The following ZNF572 variants were observed in gnomAD, a reference collection of about 807,000 sequenced individuals.
ZNF572 encodes the protein zinc finger protein 572.
In ZNF572, 2 loss-of-function variants were observed where a neutral mutation model predicts 3.8. That is an observed-to-expected ratio of 0.52 (90% CI 0.21 to 1.65). The LOEUF is 1.65. Among genes scored for constraint, ZNF572 ranks in the 40% most tolerant of loss-of-function variants. The pLI is 0.20. For synonymous variants in ZNF572, 187 were observed against 204.5 expected (o/e 0.91, Z 0.73); for missense variants, 581 against 633.4 (o/e 0.92, Z 0.89).
In ZNF572 at chr8:124,977,429, T is replaced by C. The variant is rs748023513; in HGVS notation, c.1161T>C (p.Cys387=). The C allele has an allele frequency of 6.2e-7, 1 of 1,614,152 alleles. No individual in the cohort carries two copies. Among genetic ancestry groups the C allele is most frequent in the Non-Finnish European group, 8.5e-7 (1 of 1,180,020 alleles). ...IQLGEKPYRC[C]ECGKSFGLSS... ...TAGGAGAGAAACCATATAGATGTTG[T>C]GAATGTGGGAAGAGTTTTGGCCTTA... Residue 387 remains cysteine (C), a synonymous_variant, in exon 3 of 3, where the codon TGT becomes TGC. Coordinates refer to ENST00000319286, the MANE Select transcript of ZNF572 (RefSeq NM_152412.3).
chr8:124,976,669 G>A lies in ZNF572; in HGVS notation c.401G>A (p.Cys134Tyr). The A allele has an allele frequency of 1.2e-6, 2 of 1,614,186 alleles. No homozygotes were observed. The highest frequency in any genetic ancestry group is 1.7e-6 in the Non-Finnish European group (2 of 1,180,018). ...NSSFVDRPYK[C>Y]SECWKSFSNS... The stretch of plus-strand genomic sequence containing the variant: ...TCCTTTGTAGACAGACCCTATAAAT[G>A]TTCCGAATGTTGGAAAAGCTTCAGT... The change falls in exon 3 of 3, where the codon TGT becomes TAT. Residue 134 changes from cysteine (C) to tyrosine (Y), a missense_variant. Cys to Tyr is a radical substitution (Grantham distance 194). Transcript: ENST00000319286.
chr8:124,977,344 C>T lies in ZNF572; in HGVS notation c.1076C>T (p.Ser359Phe). The change falls in exon 3 of 3, where the codon TCT (serine) becomes TTT (phenylalanine). Residue 359 changes from serine to phenylalanine, a missense_variant. Coordinates refer to ENST00000319286, the MANE Select transcript of ZNF572 (RefSeq NM_152412.3). Reference sequence around the variant, plus strand: ...ACAGGAGAGAAATCCTATGAAAGTTCTGAATATGAGGAAAGTTTGGGTCAG... The same window carrying T: ...ACAGGAGAGAAATCCTATGAAAGTTTTGAATATGAGGAAAGTTTGGGTCAG... ...MHTGEKSYESSEYEESLGQNC... is the reference protein window; with the variant it reads ...MHTGEKSYESFEYEESLGQNC... 1.2e-6 allele frequency: 2 copies of T among 1,614,188 alleles called. No homozygotes were observed. The highest frequency in any genetic ancestry group is 1.1e-5 in the South Asian group (1 of 91,078).
rs745538040 is a variant in ZNF572, at chr8:124,977,196, G to C, written c.928G>C (p.Gly310Arg). 3.7e-6 allele frequency: 6 copies of C among 1,611,090 alleles called. No individual in the cohort carries two copies. The South Asian group carries it at 5.5e-5, about 15-fold the overall frequency. The change falls in exon 3 of 3, where the codon GGT becomes CGT. Residue 310 changes from glycine (G) to arginine (R), a missense_variant. Physicochemically the swap from Gly to Arg is moderately radical, Grantham distance 125 (BLOSUM62 -2). Coordinates refer to ENST00000319286, the MANE Select transcript of ZNF572 (RefSeq NM_152412.3). ...ATGTCTTGAGTGTGAAAAAAGCTTT[G>C]GTTGTAATTCTACTCTAATAAAACA... ...YKCLECEKSFGCNSTLIKHQR... is the reference protein window; with the variant it reads ...YKCLECEKSFRCNSTLIKHQR...
rs772353788 is a variant in ZNF572, at chr8:124,976,805, A to G, written c.537A>G (p.Leu179=). ...FCNSSHLIQH[L]RMHTGEKPYQ... is the part of the protein sequence containing the mutation. ...ACAGTTCTCACCTGATTCAGCATCT[A>G]AGAATGCACACAGGAGAGAAGCCCT... Residue 179 remains leucine (L), a synonymous_variant, in exon 3 of 3, where the codon CTA becomes CTG. Transcript: ENST00000319286. The G allele has an allele frequency of 1.7e-5, 28 of 1,614,096 alleles. No homozygotes were observed. In the African/African-American group the frequency reaches 3.1e-4, roughly 18 times the overall value.
rs1814507106 is a variant in ZNF572, at chr8:124,976,462, A to G, written c.194A>G (p.His65Arg). ...SKRHRPQHYK[H>R]EDAKEMPLTW... ...AGACATAGACCACAACATTATAAGCATGAGGATGCAAAAGAAATGCCACTG... is the reference window on the plus strand; with the variant it reads ...AGACATAGACCACAACATTATAAGCGTGAGGATGCAAAAGAAATGCCACTG... Residue 65 changes from histidine (H) to arginine (R), a missense_variant, in exon 3 of 3, where the codon CAT becomes CGT. By Grantham distance (29) the His-to-Arg change is conservative. Coordinates refer to ENST00000319286, the MANE Select transcript of ZNF572 (RefSeq NM_152412.3). 1 of 1,614,212 alleles carries G rather than the reference A, an allele frequency of 6.2e-7. No homozygotes were observed. Among genetic ancestry groups the G allele is most frequent in the Non-Finnish European group, 8.5e-7 (1 of 1,180,024 alleles).
At position 124,977,016 on chromosome 8, in the gene ZNF572, G is replaced by A. The variant is rs765923254; in HGVS notation, c.748G>A (p.Gly250Arg). The change falls in exon 3 of 3, where the codon GGA (glycine) becomes AGA (arginine). Residue 250 changes from glycine to arginine, a missense_variant. By Grantham distance (125) the Gly-to-Arg change is moderately radical (BLOSUM62 -2). Coordinates refer to ENST00000319286, the MANE Select transcript of ZNF572 (RefSeq NM_152412.3). Reference sequence around the variant, plus strand: ...AAAACCATATGAATGTTCTGTCTGCGGAAAAGGCTTCAGTCACAGCTATGT... The same window carrying A: ...AAAACCATATGAATGTTCTGTCTGCAGAAAAGGCTTCAGTCACAGCTATGT... ...GEKPYECSVCGKGFSHSYVLI... is the reference protein window; with the variant it reads ...GEKPYECSVCRKGFSHSYVLI... 39 of 1,613,796 alleles carry A rather than the reference G, an allele frequency of 2.4e-5. No individual in the cohort carries two copies. Among genetic ancestry groups the A allele is most frequent in the Non-Finnish European group, 3.3e-5 (39 of 1,180,028 alleles).
At chr8:124,973,810 G>C (rs932299850) in intron 1 of ZNF572, among the ~76,000 whole-genome samples, 6 of 152,196 alleles carry the variant, frequency 3.9e-5, no homozygotes, top group Admixed American at 6.5e-5. Flanking sequence ...GCCTTGTATG[G>C]TCTTGCATTT....
Position 124,977,175 on chromosome 8 carries a change from C to T in ZNF572, c.907C>T (p.Leu303Phe). The change falls in exon 3 of 3, where the codon CTT becomes TTT. Residue 303 changes from leucine to phenylalanine, a missense_variant. Leu to Phe is a conservative substitution (Grantham distance 22, BLOSUM62 0). Transcript: ENST00000319286. Reference protein sequence around the residue: ...THTGEKPYKCLECEKSFGCNS... With the variant: ...THTGEKPYKCFECEKSFGCNS... Reference sequence around the variant, plus strand: ...CACAGGTGAGAAGCCCTACAAATGTCTTGAGTGTGAAAAAAGCTTTGGTTG... The same window carrying T: ...CACAGGTGAGAAGCCCTACAAATGTTTTGAGTGTGAAAAAAGCTTTGGTTG... The T allele has an allele frequency of 1.9e-6, 3 of 1,610,090 alleles. No individual in the cohort carries two copies. The South Asian group carries it at 3.3e-5, about 18-fold the overall frequency.
rs1400483186 is a variant in ZNF572 at position 124,976,925 on chromosome 8, C to T, written c.657C>T (p.Pro219=). ...THTGEKPYKC[P]ECGKRFSSSS... The stretch of plus-strand genomic sequence containing the variant: ...CGGGAGAGAAACCCTACAAATGTCC[C>T]GAGTGTGGGAAGAGATTCAGCAGCA... The change falls in exon 3 of 3, where the codon CCC becomes CCT. Residue 219 remains proline (P), a synonymous_variant. Coordinates refer to ENST00000319286, the MANE Select transcript of ZNF572 (RefSeq NM_152412.3). 7.4e-6 allele frequency: 12 copies of T among 1,613,712 alleles called. No homozygotes were observed. Among genetic ancestry groups the T allele is most frequent in the Admixed American group, 3.3e-5 (2 of 59,978 alleles).
chr8:124,976,942 T>G lies in ZNF572; in HGVS notation c.674T>G (p.Phe225Cys), dbSNP rs781252172. The G allele has an allele frequency of 4.3e-6, 7 of 1,614,150 alleles. No individual in the cohort carries two copies. Among genetic ancestry groups the G allele is most frequent in the Non-Finnish European group, 5.9e-6 (7 of 1,180,022 alleles). Residue 225 changes from phenylalanine (F) to cysteine (C), a missense_variant, in exon 3 of 3, where the codon TTC becomes TGC. Transcript: ENST00000319286. The part of the protein sequence containing the change: ...PYKCPECGKR[F>C]SSSSHLIQHH... The stretch of plus-strand genomic sequence containing the variant: ...AAATGTCCCGAGTGTGGGAAGAGAT[T>G]CAGCAGCAGCTCTCACCTTATTCAG...
In ZNF572 at chr8:124,977,970, T is replaced by C. The variant is rs1814535050; in HGVS notation, c.*112T>C. 3 of 1,258,680 alleles carry C rather than the reference T, an allele frequency of 2.4e-6. No homozygotes were observed. The highest frequency in any genetic ancestry group is 3.2e-6 in the Non-Finnish European group (3 of 938,622). The allele number at this position is 1,258,680 out of a possible 1,614,324, so 78.0% of individuals were successfully genotyped here. ...TCTTTGATGTGTTTGTCAAAACATT[T>C]GGAAAAAGTCAACCTCCCAGTTTAA... On this transcript the variant is annotated 3_prime_UTR_variant, in exon 3 of 3. Coordinates refer to ENST00000319286, the MANE Select transcript of ZNF572 (RefSeq NM_152412.3).
At position 124,977,715 on chromosome 8, in the gene ZNF572, CTCAG is replaced by C. The variant is rs775486566; in HGVS notation, c.1452_1455del (p.Gln485IlefsTer6). 38 of 1,614,104 alleles carry C rather than the reference CTCAG, an allele frequency of 2.4e-5. No homozygotes were observed. The highest frequency in any genetic ancestry group is 2.8e-5 in the Non-Finnish European group (33 of 1,180,038). On this transcript the variant is annotated frameshift_variant, in exon 3 of 3. Coordinates refer to ENST00000319286, the MANE Select transcript of ZNF572 (RefSeq NM_152412.3). LOFTEE classifies it low-confidence loss of function (END_TRUNC). ...GAAATGCTTCAGCAGAAGTGCCTAC[CTCAG>C]TCAGCATCGGAAAATTCACGTAGAA...
chr8:124,976,274 T>C, intron 2 of ZNF572, 74 bp from the exon 3 acceptor site: 3 of 1,322,240 alleles, frequency 2.3e-6, no homozygotes, highest in Admixed American at 4.7e-5. Context: ...ATTTCCTCTC[T>C]TCCACTGCAA....
rs1814517792 is a variant in ZNF572, at chr8:124,977,076, A to G, written c.808A>G (p.Lys270Glu). 1 of 1,610,912 alleles carries G rather than the reference A, an allele frequency of 6.2e-7. No homozygotes were observed. Among genetic ancestry groups the G allele is most frequent in the Non-Finnish European group, 8.5e-7 (1 of 1,180,016 alleles). ...IEHQRTHTGE[K>E]PYKCPDCGKS... is the part of the protein sequence containing the mutation. ...ACATCAGAGGACTCACACTGGAGAA[A>G]AACCTTATAAGTGCCCTGATTGTGG... Residue 270 changes from lysine to glutamate, a missense_variant, in exon 3 of 3, where the codon AAA (lysine) becomes GAA (glutamate). Transcript: ENST00000319286.
chr8:124,975,163 C>G (rs193043009), intron 1 of ZNF572, among the ~76,000 whole-genome samples: 2 of 152,264 alleles, frequency 1.3e-5, no homozygotes, highest in East Asian at 3.9e-4. Context: ...TTCCTTCTGT[C>G]AAGACCAAGT....
chr8:124,975,660 T>G lies in ZNF572; in HGVS notation c.20T>G (p.Leu7Arg). 3 of 1,613,966 alleles carry G rather than the reference T, an allele frequency of 1.9e-6. No individual in the cohort carries two copies. The highest frequency in any genetic ancestry group is 8.5e-7 in the Non-Finnish European group (1 of 1,179,916). Residue 7 changes from leucine (L) to arginine (R), a missense_variant, in exon 2 of 3, where the codon CTG becomes CGG. Physicochemically the swap from Leu to Arg is moderately radical, Grantham distance 102. Transcript: ENST00000319286. ...ATTGTGATGGAGCAAGAAAAAAAACTGTTGGTCTCAGATTCTAACAGCTTT... is the reference window on the plus strand; with the variant it reads ...ATTGTGATGGAGCAAGAAAAAAAACGGTTGGTCTCAGATTCTAACAGCTTT... MEQEKK[L>R]LVSDSNSFME...
At chr8:124,975,425 C>T (rs1814495018) in intron 1 of ZNF572, among the ~76,000 whole-genome samples, 181 bp from the exon 2 acceptor site, 1 of 152,138 alleles carries the variant, frequency 6.6e-6, no homozygotes, top group East Asian at 1.9e-4. Flanking sequence ...ACCCTTAATT[C>T]TAAACACTTA....
chr8:124,977,601 T>G lies in ZNF572; in HGVS notation c.1333T>G (p.Cys445Gly). Residue 445 changes from cysteine to glycine, a missense_variant, in exon 3 of 3, where the codon TGT (cysteine) becomes GGT (glycine). Transcript: ENST00000319286. Reference sequence around the variant, plus strand: ...AGAGAAACCTTATAAATGTCCTGATTGTGGTGAAAGCTTCAGTCAGAGCTT... The same window carrying G: ...AGAGAAACCTTATAAATGTCCTGATGGTGGTGAAAGCTTCAGTCAGAGCTT... ...TGEKPYKCPD[C>G]GESFSQSFNL... 1 of 1,614,202 alleles carries G rather than the reference T, an allele frequency of 6.2e-7. No individual in the cohort carries two copies. Among genetic ancestry groups the G allele is most frequent in the South Asian group, 1.1e-5 (1 of 91,092 alleles).
chr8:124,978,183 A>T lies in ZNF572; in HGVS notation c.*325A>T, dbSNP rs1263060019. On this transcript the variant is annotated 3_prime_UTR_variant, in exon 3 of 3. Transcript: ENST00000319286. Reference sequence around the variant, plus strand: ...GAACCGAAGCTAGAATTGCTATTGAATTACTTTATTTTCTCTTCCCTTATT... The same window carrying T: ...GAACCGAAGCTAGAATTGCTATTGATTTACTTTATTTTCTCTTCCCTTATT... 1 of 243,664 alleles carries T rather than the reference A, an allele frequency of 4.1e-6. No homozygotes were observed. Among genetic ancestry groups the T allele is most frequent in the Non-Finnish European group, 7.8e-6 (1 of 128,490 alleles). The allele number at this position is 243,664 out of a possible 1,614,324, so 15.1% of individuals were successfully genotyped here. A position where few individuals can be genotyped will look rare whatever the true frequency, so the allele number is the denominator to read the frequency against.
Sources: gnomAD v4.1 joint callset for allele counts (sites outside exome capture counted in the v4.1 genomes callset) on GRCh38, gnomAD v4.1.1 for gene constraint, MANE v1.5 for transcripts, NCBI Gene and HGNC (gene_info 2026-07-23, HGNC 2026-07-21) for gene names.